The following MAX variants were observed in gnomAD, a reference collection of about 807,000 sequenced individuals.
MAX encodes the protein protein max.
Under a neutral mutation model 22.3 loss-of-function variants are expected in MAX, and 3 were observed. The observed-to-expected ratio is 0.13, with a 90% confidence interval of 0.06 to 0.35. MAX has a LOEUF of 0.35. Ranked by LOEUF, MAX falls within the 10% of genes least tolerant of loss-of-function variation. MAX has a pLI of 1.00. For synonymous variants in MAX, 72 were observed against 77.7 expected, an observed-to-expected ratio of 0.93 and a Z score of 0.39; for missense variants, 119 against 209.4, an observed-to-expected ratio of 0.57 and a Z score of 2.66.
intron 3 of MAX, among the ~76,000 whole-genome samples, chr14:65,038,509 G>C (rs2139615228): frequency 6.6e-6 from 1 of 152,094 alleles, no homozygotes; most frequent in South Asian, 2.1e-4. Context: ...CACGAGGTCA[G>C]GAGTTCGAAA....
In MAX at chr14:65,018,107, C is replaced by T. The variant is rs536538605; in HGVS notation, c.172-11823G>A. Among the ~76,000 whole-genome samples the T allele has an allele frequency of 9.3e-4, 141 of 152,190 alleles. 8 individuals carry two copies. The South Asian group carries it at 0.024, about 26-fold the overall frequency. On this transcript the variant is annotated intron_variant, in intron 3 of 3. Transcript: ENST00000341653. ...CTGTAACCCCAGCACTTTGGGAGGC[C>T]ACGGTCAGAGGACCACTGGGGCCCA...
In MAX at chr14:65,012,450, C is replaced by G. The variant is rs2061698713; in HGVS notation, c.172-6166G>C. The G allele has an allele frequency of 3.7e-6, 6 of 1,604,902 alleles. No individual in the cohort carries two copies. In the South Asian group the frequency reaches 6.6e-5, roughly 18 times the overall value. ...TATCCACCAAATCCTCCTCCTTTTT[C>G]TATTTAAACGTAAAAGACTGTTGGG... On this transcript the variant is annotated intron_variant, in intron 3 of 3. Transcript: ENST00000341653. This position sits in a 1 kb window ranked among gnomAD's most constrained non-coding sequence, Gnocchi z 5.0.
chr14:65,083,795 A>G (rs906724985), intron 3 of MAX: 10 of 1,124,032 alleles, frequency 8.9e-6, no homozygotes, highest in Non-Finnish European at 1.1e-5. Context: ...GAGAAAATGA[A>G]ACCATTTATT....
At chr14:65,038,647 GGCGGAGGT>G (rs1230240673) in intron 3 of MAX, among the ~76,000 whole-genome samples, 2 of 152,176 alleles carry the variant, frequency 1.3e-5, no homozygotes, top group African/African-American at 4.8e-5. Context: ...GAACCCAGGA[GGCGGAGGT>G]TGCAGTGAGC....
intron 3 of MAX, among the ~76,000 whole-genome samples, chr14:65,034,428 C>G (rs980052958): frequency 6.6e-5 from 10 of 152,214 alleles, no homozygotes; most frequent in African/African-American, 2.4e-5. Flanking sequence ...GTGTTCTAAT[C>G]TCACACTTAA....
At chr14:65,018,738 A>T (rs986309722) in intron 3 of MAX, among the ~76,000 whole-genome samples, 2 of 142,404 alleles carry the variant, frequency 1.4e-5, no homozygotes, top group African/African-American at 2.6e-5. Context: ...TGAATCTGGG[A>T]GGTGGACGTT....
chr14:65,027,208 TC>T lies in MAX; in HGVS notation c.172-20925del, dbSNP rs2061999360. ...AGTCGGTTTCTTCCCAGCCTTGTGT[TC>T]CCTGCTTCATGACCAACAAGCGCTT... On this transcript the variant is annotated intron_variant, in intron 3 of 3. Coordinates refer to the MAX transcript ENST00000341653. The surrounding 1 kb of genome is among the most constrained non-coding windows in gnomAD (Gnocchi z 5.7). Among the ~76,000 whole-genome samples the T allele has an allele frequency of 6.6e-6, 1 of 152,180 alleles. No homozygotes were observed. The highest frequency in any genetic ancestry group is 1.5e-5 in the Non-Finnish European group (1 of 68,030).
At position 65,078,666 on chromosome 14, in the gene MAX, A is replaced by T. The variant is rs1023574614; in HGVS notation, c.172-630T>A. On this transcript the variant is annotated intron_variant, in intron 3 of 4. Coordinates refer to ENST00000358664, the MANE Select transcript of MAX (RefSeq NM_002382.5). The surrounding 1 kb of genome is among the most constrained non-coding windows in gnomAD (Gnocchi z 6.4). ...TGCCTCAGCCTCCAGAGTAGCTGGG[A>T]TTACAAGTACATGCCACGTTGCCTG... 4.0e-5 allele frequency among the ~76,000 whole-genome samples: 6 copies of T among 151,776 alleles called. No homozygotes were observed. The highest frequency in any genetic ancestry group is 3.2e-3 in the Middle Eastern group (1 of 316).
intron 3 of MAX, among the ~76,000 whole-genome samples, chr14:65,034,741 T>C (rs1034666633): frequency 1.3e-5 from 2 of 152,366 alleles, no homozygotes; most frequent in Admixed American, 1.3e-4. Context: ...TATGGAATTA[T>C]AATGTCTGCT....
At chr14:65,006,190 GA>G (rs1432412888) in exon 4 of MAX, 1 of 1,500,102 alleles carries the variant, frequency 6.7e-7, no homozygotes, top group African/African-American at 1.5e-5. Context: ...ATTTCCTTAA[GA>G]AACTTTTTCT....
chr14:65,021,479 A>G (rs546146351), intron 3 of MAX, among the ~76,000 whole-genome samples: 248 of 152,162 alleles, frequency 1.6e-3, no homozygotes, highest in African/African-American at 5.6e-3. Flanking sequence ...TTCAGTGAGG[A>G]CACCATATCT....
chr14:65,029,654 T>A lies in MAX; in HGVS notation c.172-23370A>T, dbSNP rs1249616827. On this transcript the variant is annotated intron_variant, in intron 3 of 3. Coordinates refer to the MAX transcript ENST00000341653. This position sits in a 1 kb window ranked among gnomAD's most constrained non-coding sequence, Gnocchi z 4.7. ...CAGGGATCTAGCATTTGCAGAAGTT[T>A]GGTGAGAAAGCATGTGTTGCTCAAG... Among the ~76,000 whole-genome samples the A allele has an allele frequency of 6.6e-6, 1 of 152,142 alleles. No homozygotes were observed. Among genetic ancestry groups the A allele is most frequent in the Non-Finnish European group, 1.5e-5 (1 of 68,028 alleles).
At chr14:65,026,324 C>T (rs1176142544) in intron 3 of MAX, among the ~76,000 whole-genome samples, 1 of 152,214 alleles carries the variant, frequency 6.6e-6, no homozygotes, top group Non-Finnish European at 1.5e-5. Flanking sequence ...TAAAGCAAGA[C>T]TGTAACCTCT....
chr14:65,074,234 C>G (rs1176661044), downstream of MAX, among the ~76,000 whole-genome samples: 2 of 152,214 alleles, frequency 1.3e-5, no homozygotes, highest in Admixed American at 6.5e-5. Flanking sequence ...AGGCAATAAG[C>G]TGATTCTCAT....
In MAX at chr14:65,023,813, A is replaced by T. The variant is rs1170373291; in HGVS notation, c.172-17529T>A. On this transcript the variant is annotated intron_variant, in intron 3 of 3. Coordinates refer to the MAX transcript ENST00000341653. This position sits in a 1 kb window ranked among gnomAD's most constrained non-coding sequence, Gnocchi z 4.1. ...ACCTGGGAACTTATTAGAAATGAGG[A>T]CTCTCAGCCGGGCATGGTGGCTCAC... Among the ~76,000 whole-genome samples the T allele has an allele frequency of 1.3e-5, 2 of 152,012 alleles. No individual in the cohort carries two copies. The highest frequency in any genetic ancestry group is 3.9e-4 in the East Asian group (2 of 5,180).
rs1368693665 is a variant in MAX, at chr14:65,009,558, T to TGCA, written c.172-3277_172-3275dup. On this transcript the variant is annotated intron_variant, in intron 3 of 3. Transcript: ENST00000341653. This position sits in a 1 kb window ranked among gnomAD's most constrained non-coding sequence, Gnocchi z 4.2. ...TACCCATCATTTCTCGCTCAAAGAATGCAGCATCCTTCCTTATTCCAGGCT... is the reference window on the plus strand; with the variant it reads ...TACCCATCATTTCTCGCTCAAAGAATGCAGCAGCATCCTTCCTTATTCCAGGCT... Among the ~76,000 whole-genome samples the TGCA allele has an allele frequency of 2.0e-5, 3 of 152,130 alleles. No homozygotes were observed. Among genetic ancestry groups the TGCA allele is most frequent in the Non-Finnish European group, 4.4e-5 (3 of 68,010 alleles).
At chr14:65,025,598 T>G (rs1236740587) in intron 3 of MAX, among the ~76,000 whole-genome samples, 1 of 152,174 alleles carries the variant, frequency 6.6e-6, no homozygotes, top group Non-Finnish European at 1.5e-5. Flanking sequence ...GAGGATTGCT[T>G]GAGCCCAGGA....
At position 65,026,881 on chromosome 14, in the gene MAX, C is replaced by G. The variant is rs200768091; in HGVS notation, c.172-20597G>C. 3.3e-5 allele frequency among the ~76,000 whole-genome samples: 5 copies of G among 151,424 alleles called. 1 individual carries two copies. The South Asian group carries it at 1.0e-3, about 32-fold the overall frequency. ...CGCCTCAAAAAAAAAAACAAAAAAA[C>G]AAAACTTGCTTCTTACTGGTGGAGT... On this transcript the variant is annotated intron_variant, in intron 3 of 3. Transcript: ENST00000341653.
Position 65,027,827 on chromosome 14 carries a change from C to T in MAX, c.172-21543G>A. On this transcript the variant is annotated intron_variant, in intron 3 of 3. Transcript: ENST00000341653. This position sits in a 1 kb window ranked among gnomAD's most constrained non-coding sequence, Gnocchi z 5.7. Reference sequence around the variant, plus strand: ...GCTGCCACATCAGTTGACTCTAGAGCTCATCTGCCATTAGAGATGCCAAGC... The same window carrying T: ...GCTGCCACATCAGTTGACTCTAGAGTTCATCTGCCATTAGAGATGCCAAGC... The T allele has an allele frequency of 6.2e-7, 1 of 1,610,606 alleles. No individual in the cohort carries two copies. The highest frequency in any genetic ancestry group is 8.5e-7 in the Non-Finnish European group (1 of 1,177,574).
Sources: allele counts gnomAD v4.1 joint callset (sites outside exome capture counted in the v4.1 genomes callset), GRCh38; gene constraint gnomAD v4.1.1; non-coding constraint Gnocchi (gnomAD v3.1); transcripts MANE v1.5; gene names NCBI Gene and HGNC (gene_info 2026-07-23, HGNC 2026-07-21).